TRDN: variants seen among roughly 807,000 people sequenced by gnomAD.
The protein encoded by TRDN is triadin.
Under a neutral mutation model 149.7 loss-of-function variants are expected in TRDN, and 161 were observed. That is an observed-to-expected ratio of 1.08 (90% CI 0.95 to 1.23). TRDN has a LOEUF of 1.23. Ranked by LOEUF, TRDN falls within the 50% of genes most tolerant of loss-of-function variation. TRDN has a pLI of 0.00. For missense variants in TRDN, 896 were observed against 823.5 expected (o/e 1.09, Z -1.08); for synonymous variants, 294 against 250.5 (o/e 1.17, Z -1.64).
chr6:123,585,085 G>C (rs928552901), intron 1 of TRDN, among the ~76,000 whole-genome samples: 4 of 151,516 alleles, frequency 2.6e-5, no homozygotes, highest in Non-Finnish European at 2.9e-5. Flanking sequence ...GAGATGGTAA[G>C]GGGTGCATGA....
In TRDN at chr6:123,272,798, CA is replaced by C. The variant is rs146422315; in HGVS notation, c.1672+165del. Among the ~76,000 whole-genome samples the C allele has an allele frequency of 3.3e-3, 492 of 150,554 alleles. 19 individuals are homozygous for C. The East Asian group carries it at 0.08, about 24-fold the overall frequency. ...CATCTCACTGGTTAAGTTCTCAGCACAAAAAAAAATTCTGAAGATGACTAAA... is the reference window on the plus strand; with the variant it reads ...CATCTCACTGGTTAAGTTCTCAGCACAAAAAAAATTCTGAAGATGACTAAA... On this transcript the variant is annotated intron_variant, in intron 29 of 40. Coordinates refer to ENST00000334268, the MANE Select transcript of TRDN (RefSeq NM_006073.4).
chr6:123,411,592 C>T (rs1330153508), intron 12 of TRDN: 1 of 152,494 alleles, frequency 6.6e-6, no homozygotes, highest in Non-Finnish European at 1.5e-5. Context: ...GGGAGGGAAC[C>T]TGGGAAAGGG....
chr6:123,626,744 T>G (rs1785691207), intron 1 of TRDN, among the ~76,000 whole-genome samples: 1 of 151,922 alleles, frequency 6.6e-6, no homozygotes, highest in South Asian at 2.1e-4. Flanking sequence ...TAAAGTATAA[T>G]AATAACAATA....
At chr6:123,533,363 G>A (rs535057440) in intron 4 of TRDN, among the ~76,000 whole-genome samples, 6 of 152,194 alleles carry the variant, frequency 3.9e-5, no homozygotes, top group South Asian at 2.1e-4. Flanking sequence ...AGAATAAGAC[G>A]TGGGTTAGAC....
rs373408498 is a variant in TRDN, at chr6:123,218,660, G to C, written c.2131C>G (p.Arg711Gly). Reference sequence around the variant, plus strand: ...GCTTGACCAGAGCTCTCTCCAGGGCGGTCTGCAGGAGTGAAAGGAAACTGA... The same window carrying C: ...GCTTGACCAGAGCTCTCTCCAGGGCCGTCTGCAGGAGTGAAAGGAAACTGA... Reference protein sequence around the residue: ...GFQFPFTPADRPGESSGQANS... With the variant: ...GFQFPFTPADGPGESSGQANS... Residue 711 changes from arginine (R) to glycine (G), a missense_variant, in exon 41 of 41, where the codon CGC (arginine) becomes GGC (glycine). Physicochemically the swap from Arg to Gly is moderately radical, Grantham distance 125 (BLOSUM62 -2). Coordinates refer to ENST00000334268, the MANE Select transcript of TRDN (RefSeq NM_006073.4). 1 of 1,610,138 alleles carries C rather than the reference G, an allele frequency of 6.2e-7. No homozygotes were observed. Among genetic ancestry groups the C allele is most frequent in the Non-Finnish European group, 8.5e-7 (1 of 1,177,908 alleles).
At chr6:123,391,510 C>T (rs1451447317) in intron 13 of TRDN, among the ~76,000 whole-genome samples, 1 of 151,826 alleles carries the variant, frequency 6.6e-6, no homozygotes, top group African/African-American at 2.4e-5. Flanking sequence ...AAAAGCCATT[C>T]CTTATATCTA....
chr6:123,488,620 C>T (rs913683193), intron 9 of TRDN: 10 of 151,976 alleles, frequency 6.6e-5, no homozygotes, highest in Non-Finnish European at 8.8e-5. Flanking sequence ...ATTCTATGAT[C>T]AGGCTTTATT....
At chr6:123,301,713 C>T (rs1371770004) in intron 24 of TRDN, among the ~76,000 whole-genome samples, 1 of 92,234 alleles carries the variant, frequency 1.1e-5, no homozygotes, top group South Asian at 2.9e-4. Context: ...ATAAACCAAC[C>T]TCCCAGTACA....
chr6:123,440,444 T>C (rs1774813916), intron 10 of TRDN, among the ~76,000 whole-genome samples: 1 of 152,230 alleles, frequency 6.6e-6, no homozygotes, highest in South Asian at 2.1e-4. Context: ...TACTTTCAAG[T>C]ATCACTACTT....
chr6:123,589,328 T>A (rs760864353), intron 1 of TRDN, among the ~76,000 whole-genome samples: 7 of 152,180 alleles, frequency 4.6e-5, no homozygotes, highest in Non-Finnish European at 1.0e-4. Context: ...TTCTAGTATT[T>A]TATGTTTGTG....
chr6:123,361,825 T>TC (rs1780920933), intron 20 of TRDN, among the ~76,000 whole-genome samples: 2 of 152,274 alleles, frequency 1.3e-5, no homozygotes, highest in South Asian at 4.1e-4. Context: ...CCTTGTTCTT[T>TC]CCCCAAACAA....
Position 123,400,870 on chromosome 6 carries a change from G to A in TRDN, c.1052-7193C>T, listed in dbSNP as rs118089398. Among the ~76,000 whole-genome samples the A allele has an allele frequency of 3.3e-5, 5 of 152,236 alleles. No homozygotes were observed. The East Asian group carries it at 7.7e-4, about 23-fold the overall frequency. On this transcript the variant is annotated intron_variant, in intron 12 of 40. Transcript: ENST00000334268. ...TTATCTCCTTACCCAATTTGGAAAT[G>A]TTATAAACAAACAGAATTGTGTGAA...
intron 12 of TRDN, among the ~76,000 whole-genome samples, chr6:123,432,210 G>A (rs546794429): frequency 1.3e-5 from 2 of 152,228 alleles, no homozygotes; most frequent in Non-Finnish European, 2.9e-5. Context: ...ACTTTCCTCA[G>A]TGAGCACAAA....
intron 1 of TRDN, among the ~76,000 whole-genome samples, chr6:123,609,002 G>A (rs1210668347): frequency 1.3e-5 from 2 of 151,736 alleles, no homozygotes; most frequent in Non-Finnish European, 2.9e-5. Context: ...GTGAAACCCC[G>A]TCTCTACTAA....
chr6:123,530,278 C>T (rs755299014), intron 5 of TRDN, among the ~76,000 whole-genome samples: 5 of 151,562 alleles, frequency 3.3e-5, no homozygotes, highest in Admixed American at 6.6e-5. Flanking sequence ...AATTATTACA[C>T]ATTTTGAAGT....
At position 123,563,893 on chromosome 6, in the gene TRDN, C is replaced by T. The variant is rs183243294; in HGVS notation, c.232+7030G>A. ...CGCAAGCTCAACTCAGTACAACATC[C>T]GCCTGCTGGGCTCAAGTGATTCTCC... On this transcript the variant is annotated intron_variant, in intron 2 of 40. Transcript: ENST00000334268. Among the ~76,000 whole-genome samples the T allele has an allele frequency of 4.4e-3, 673 of 152,244 alleles. 3 individuals are homozygous for T. The highest frequency in any genetic ancestry group is 7.8e-3 in the Non-Finnish European group (528 of 68,022).
intron 12 of TRDN, among the ~76,000 whole-genome samples, chr6:123,395,778 C>G (rs185512493): frequency 6.6e-6 from 1 of 152,224 alleles, no homozygotes; most frequent in African/African-American, 2.4e-5. Context: ...TCATGTTTGT[C>G]CCTCATAACT....
intron 1 of TRDN, among the ~76,000 whole-genome samples, chr6:123,610,055 T>C (rs529790956): frequency 3.9e-5 from 6 of 152,268 alleles, no homozygotes; most frequent in African/African-American, 1.4e-4. Context: ...CCACAAGTGA[T>C]TTCAAAAATA....
chr6:123,279,439 A>C (rs1243745709), intron 24 of TRDN, among the ~76,000 whole-genome samples: 1 of 152,092 alleles, frequency 6.6e-6, no homozygotes, highest in Non-Finnish European at 1.5e-5. Flanking sequence ...TCTGTGGGCC[A>C]TTTTGTCAGC....
Sources: allele counts gnomAD v4.1 joint callset (sites outside exome capture counted in the v4.1 genomes callset), GRCh38; gene constraint gnomAD v4.1.1; transcripts MANE v1.5; gene names NCBI Gene and HGNC (gene_info 2026-07-23, HGNC 2026-07-21).